CALN1: variants seen among roughly 807,000 people sequenced by gnomAD.
The protein encoded by CALN1 is calcium-binding protein 8.
CALN1 carries 17 observed loss-of-function variants against 30.6 expected under a neutral mutation model. The ratio of observed to expected loss-of-function variants is 0.56; its 90% confidence interval spans 0.38 to 0.83. The LOEUF (loss-of-function observed/expected upper bound fraction) is 0.83, where lower values mean the gene tolerates loss of function less well. Among genes scored for constraint, CALN1 ranks in the 40% least tolerant of loss-of-function variants. The pLI is 0.00. For synonymous variants in CALN1, 156 were observed against 131.4 expected (o/e 1.19, Z -1.28); for missense variants, 291 against 354.9 (o/e 0.82, Z 1.45).
chr7:72,397,252 G>A (rs1403082251), intron 2 of CALN1, among the ~76,000 whole-genome samples: 3 of 152,144 alleles, frequency 2.0e-5, no homozygotes, highest in Non-Finnish European at 4.4e-5. Context: ...TACTGAAGCA[G>A]AAGTAACAAT....
intron 3 of CALN1, among the ~76,000 whole-genome samples, chr7:72,139,286 G>C (rs755064671): frequency 1.3e-5 from 2 of 151,932 alleles, no homozygotes; most frequent in South Asian, 4.2e-4. Flanking sequence ...CATCTTCTAA[G>C]CACCTCGGCC....
At chr7:71,841,954 C>T (rs1473089764) in intron 5 of CALN1, among the ~76,000 whole-genome samples, 1 of 149,432 alleles carries the variant, frequency 6.7e-6, no homozygotes, top group African/African-American at 2.5e-5. Context: ...CAGCATTGTA[C>T]AATATATCCA....
chr7:72,213,597 G>T (rs954301260), intron 3 of CALN1, among the ~76,000 whole-genome samples: 7 of 152,038 alleles, frequency 4.6e-5, no homozygotes, highest in Non-Finnish European at 8.8e-5. Context: ...GCTGTTGGGG[G>T]AAAAAAAGAA....
chr7:71,819,466 A>T (rs1352678852), intron 5 of CALN1, among the ~76,000 whole-genome samples: 2 of 152,116 alleles, frequency 1.3e-5, no homozygotes, highest in Non-Finnish European at 2.9e-5. Flanking sequence ...GGCCTCCCAA[A>T]GTGTTGGGAT....
At chr7:71,948,938 G>T (rs972881903) in intron 5 of CALN1, among the ~76,000 whole-genome samples, 1 of 149,006 alleles carries the variant, frequency 6.7e-6, no homozygotes, top group South Asian at 2.2e-4. Context: ...AGTTACTTGG[G>T]AGGCTAAGGT....
intron 2 of CALN1, among the ~76,000 whole-genome samples, chr7:72,342,830 C>G (rs779172030): frequency 5.9e-5 from 9 of 151,876 alleles, no homozygotes; most frequent in Non-Finnish European, 1.0e-4. Flanking sequence ...ATTCATTGCA[C>G]TCTGAATAGA....
intron 3 of CALN1, among the ~76,000 whole-genome samples, chr7:72,138,432 T>A (rs1809657231): frequency 6.6e-6 from 1 of 152,236 alleles, no homozygotes; most frequent in Non-Finnish European, 1.5e-5. Context: ...CGACGCCATC[T>A]GAAGCCTCAG....
At chr7:71,958,521 C>G (rs539422368) in intron 5 of CALN1, among the ~76,000 whole-genome samples, 26 of 152,262 alleles carry the variant, frequency 1.7e-4, no homozygotes, top group African/African-American at 6.3e-4. Flanking sequence ...TGCCCAGGCA[C>G]ATGTGGTATA....
intron 2 of CALN1, among the ~76,000 whole-genome samples, chr7:72,400,476 T>C (rs1441246947): frequency 1.3e-5 from 2 of 152,222 alleles, no homozygotes; most frequent in African/African-American, 4.8e-5. Context: ...AACCGGCCAT[T>C]GCTTGGCATT....
intron 2 of CALN1, among the ~76,000 whole-genome samples, chr7:72,371,847 T>TCCA (rs1420518401): frequency 6.6e-6 from 1 of 152,184 alleles, no homozygotes; most frequent in African/African-American, 2.4e-5. Flanking sequence ...GTAAGCATGT[T>TCCA]CCACCCTTGC....
chr7:72,357,783 A>C (rs1803320743), intron 2 of CALN1, among the ~76,000 whole-genome samples: 1 of 149,996 alleles, frequency 6.7e-6, no homozygotes, highest in Non-Finnish European at 1.5e-5. Context: ...TCTGAAGAAA[A>C]TGGTCATGGG....
At chr7:72,359,942 A>G (rs776989048) in intron 2 of CALN1, among the ~76,000 whole-genome samples, 58 of 131,008 alleles carry the variant, frequency 4.4e-4, no homozygotes, top group Non-Finnish European at 1.2e-4. Context: ...ACGCCACTGC[A>G]CTCCAGCTTG....
intron 5 of CALN1, among the ~76,000 whole-genome samples, chr7:71,833,010 C>A (rs1789384256): frequency 6.6e-6 from 1 of 152,204 alleles, no homozygotes; most frequent in African/African-American, 2.4e-5. Flanking sequence ...CTGCTCTATG[C>A]AACAGGCTTT....
chr7:71,868,051 A>G (rs1791692645), intron 5 of CALN1, among the ~76,000 whole-genome samples: 1 of 152,124 alleles, frequency 6.6e-6, no homozygotes, highest in Admixed American at 6.5e-5. Context: ...TTTCAAATCT[A>G]TTACCATTTA....
intron 1 of CALN1, among the ~76,000 whole-genome samples, chr7:72,421,898 A>G (rs1016729862): frequency 3.9e-5 from 6 of 152,138 alleles, no homozygotes; most frequent in African/African-American, 1.4e-4. Flanking sequence ...TCCATTCCTG[A>G]GTTACTTCAC....
intron 4 of CALN1, among the ~76,000 whole-genome samples, chr7:72,028,016 G>T (rs1202229765): frequency 7.6e-6 from 1 of 130,794 alleles, no homozygotes; most frequent in Non-Finnish European, 1.6e-5. Context: ...CCGAGATCGC[G>T]CCACTGCACT....
At chr7:72,265,388 AG>A (rs1796535205) in intron 3 of CALN1, among the ~76,000 whole-genome samples, 2 of 152,182 alleles carry the variant, frequency 1.3e-5, no homozygotes, top group African/African-American at 2.4e-5. Context: ...GAGTAGTCCC[AG>A]GGAACAGTTG....
At chr7:72,151,815 G>A (rs1241971533) in intron 3 of CALN1, among the ~76,000 whole-genome samples, 2 of 152,056 alleles carry the variant, frequency 1.3e-5, no homozygotes, top group Non-Finnish European at 2.9e-5. Context: ...GAGCTCAAGA[G>A]ATCCTTTGAT....
chr7:71,923,218 G>T (rs561224900), intron 5 of CALN1, among the ~76,000 whole-genome samples: 2 of 152,222 alleles, frequency 1.3e-5, no homozygotes, highest in African/African-American at 4.8e-5. Flanking sequence ...CACCCTTTAT[G>T]CTCATTTGTT....
Sources: allele counts gnomAD v4.1 joint callset (sites outside exome capture counted in the v4.1 genomes callset), GRCh38; gene constraint gnomAD v4.1.1; transcripts MANE v1.5; gene names NCBI Gene and HGNC (gene_info 2026-07-23, HGNC 2026-07-21).